Variants in KCNQ4 observed in about 807,000 individuals in gnomAD.
KCNQ4 encodes the protein potassium voltage-gated channel subfamily KQT member 4.
KCNQ4 carries 31 observed loss-of-function variants against 72.6 expected under a neutral mutation model. The observed-to-expected ratio is 0.43, with a 90% confidence interval of 0.32 to 0.58. The LOEUF (loss-of-function observed/expected upper bound fraction) is 0.58. KCNQ4 is among the 20% of genes least tolerant of loss of function. The pLI is 0.08. For synonymous variants in KCNQ4, 405 were observed against 403.7 expected (o/e 1.00, Z -0.04); for missense variants, 869 against 962.6 (o/e 0.90, Z 1.29).
intron 12 of KCNQ4, 94 bp from the exon 13 acceptor site, chr1:40,837,571 C>G: frequency 2.0e-6 from 3 of 1,484,252 alleles, no homozygotes; most frequent in Non-Finnish European, 2.7e-6. Flanking sequence ...CCTGTCCCCT[C>G]GTGGTGCCTT....
chr1:40,830,058 G>A (rs111922807), intron 9 of KCNQ4, among the ~76,000 whole-genome samples: 5,023 of 152,276 alleles, frequency 0.033, 108 homozygotes, highest in Middle Eastern at 0.041. Flanking sequence ...ATGTGTAGAC[G>A]TGCACGTACA....
intron 1 of KCNQ4, among the ~76,000 whole-genome samples, chr1:40,800,774 G>C (rs1647548218): frequency 1.3e-5 from 2 of 152,202 alleles, no homozygotes; most frequent in Non-Finnish European, 2.9e-5. Flanking sequence ...AAGCGGGTAG[G>C]AACACTCTCC....
intron 12 of KCNQ4, 113 bp from the exon 13 acceptor site, chr1:40,837,552 C>A: frequency 7.3e-7 from 1 of 1,370,334 alleles, no homozygotes; most frequent in Non-Finnish European, 9.9e-7. Flanking sequence ...GGCCCCTTCC[C>A]TCAGATTGCC....
intron 7 of KCNQ4, among the ~76,000 whole-genome samples, chr1:40,820,983 C>G (rs1251247957): frequency 1.3e-5 from 2 of 152,202 alleles, no homozygotes; most frequent in Non-Finnish European, 2.9e-5. Flanking sequence ...CTGCCTGCTC[C>G]CTAGCCTGTC....
chr1:40,792,290 C>G (rs958020200), intron 1 of KCNQ4, among the ~76,000 whole-genome samples: 6 of 152,158 alleles, frequency 3.9e-5, no homozygotes, highest in African/African-American at 1.4e-4. Flanking sequence ...CCGTCTTGGC[C>G]CAGCTGCCAC....
Position 40,788,381 on chromosome 1 carries a change from G to T in KCNQ4, c.314+3974G>T, listed in dbSNP as rs915755777. Among the ~76,000 whole-genome samples the T allele has an allele frequency of 3.3e-5, 5 of 152,148 alleles. No homozygotes were observed. The South Asian group carries it at 8.3e-4, about 25-fold the overall frequency. ...CCTGCTTCCTTGTCCAGGACTGTTC[G>T]CTCCGTTCCTAGTGGCCACCGGGCT... On this transcript the variant is annotated intron_variant, in intron 1 of 13. Coordinates refer to ENST00000347132, the MANE Select transcript of KCNQ4 (RefSeq NM_004700.4). The surrounding 1 kb of genome is among the most constrained non-coding windows in gnomAD (Gnocchi z 4.5).
In KCNQ4 at chr1:40,823,969, C is replaced by T. The variant is rs577770784; in HGVS notation, c.1131-128C>T. 853 of 1,064,148 alleles carry T rather than the reference C, an allele frequency of 8.0e-4. 7 individuals carry two copies. The South Asian group carries it at 9.5e-3, about 12-fold the overall frequency. 65.9% of individuals were successfully genotyped at this position (1,064,148 alleles called of 1,614,324 possible). A position where few individuals can be genotyped will look rare whatever the true frequency, so the allele number is the denominator to read the frequency against. ...ACTGTCCACCCTGTCCTATTCTGGC[C>T]GGGCTGTCAGTGAACACCTCTAGAG... On this transcript the variant is annotated intron_variant, in intron 8 of 13. Transcript: ENST00000347132.
intron 1 of KCNQ4, among the ~76,000 whole-genome samples, chr1:40,811,985 T>C (rs905265517): frequency 6.6e-6 from 1 of 152,236 alleles, no homozygotes; most frequent in African/African-American, 2.4e-5. Context: ...CACACCCTAG[T>C]TGTGGCAGGC....
At position 40,821,957 on chromosome 1, in the gene KCNQ4, C is replaced by T. The variant is rs551437643; in HGVS notation, c.1042-357C>T. Among the ~76,000 whole-genome samples, 157 of 152,246 alleles carry T rather than the reference C, an allele frequency of 1.0e-3. 2 individuals carry two copies. Among genetic ancestry groups the T allele is most frequent in the Admixed American group, 0.01 (156 of 15,292 alleles). ...CCTGGTAGGCAAGTAGTGTTACATG[C>T]GTTTTACAGGTGAAGAAACTGAGGT... On this transcript the variant is annotated intron_variant, in intron 7 of 13. Coordinates refer to ENST00000347132, the MANE Select transcript of KCNQ4 (RefSeq NM_004700.4).
chr1:40,806,292 C>G (rs1647758420), intron 1 of KCNQ4, among the ~76,000 whole-genome samples: 1 of 152,214 alleles, frequency 6.6e-6, no homozygotes, highest in Non-Finnish European at 1.5e-5. Context: ...CCATGTTTCC[C>G]CTTCCTTTCA....
Position 40,794,165 on chromosome 1 carries a change from G to T in KCNQ4, c.314+9758G>T, listed in dbSNP as rs903474144. 2.0e-5 allele frequency among the ~76,000 whole-genome samples: 3 copies of T among 152,206 alleles called. No homozygotes were observed. The highest frequency in any genetic ancestry group is 1.3e-4 in the Admixed American group (2 of 15,284). ...GAGTGAGCTCCAGGTGAAGGGAACAGCAGAGCAAAGGCCTTGAGATGGGAC... is the reference window on the plus strand; with the variant it reads ...GAGTGAGCTCCAGGTGAAGGGAACATCAGAGCAAAGGCCTTGAGATGGGAC... On this transcript the variant is annotated intron_variant, in intron 1 of 13. Coordinates refer to ENST00000347132, the MANE Select transcript of KCNQ4 (RefSeq NM_004700.4). This position sits in a 1 kb window ranked among gnomAD's most constrained non-coding sequence, Gnocchi z 4.2.
Position 40,822,374 on chromosome 1 carries a change from T to A in KCNQ4, c.1102T>A (p.Tyr368Asn). ...SRAYLTATWY[Y>N]YDSILPSFRE... ...GGCCTACCTGACAGCCACCTGGTAC[T>A]ACTATGACAGTATCCTCCCATCCTT... is the stretch of plus-strand genomic sequence containing the variant. The change falls in exon 8 of 14, where the codon TAC becomes AAC. Residue 368 changes from tyrosine to asparagine, a missense_variant. Coordinates refer to ENST00000347132, the MANE Select transcript of KCNQ4 (RefSeq NM_004700.4). 2.0e-6 allele frequency: 3 copies of A among 1,467,640 alleles called. No homozygotes were observed. Among genetic ancestry groups the A allele is most frequent in the Non-Finnish European group, 2.7e-6 (3 of 1,091,626 alleles). The allele number at this position is 1,467,640 out of a possible 1,614,324, so 90.9% of individuals were successfully genotyped here. A position where few individuals can be genotyped will look rare whatever the true frequency, so the allele number is the denominator to read the frequency against.
intron 9 of KCNQ4, 106 bp from the exon 10 acceptor site, chr1:40,830,978 C>A: frequency 1.1e-6 from 1 of 943,990 alleles, no homozygotes; most frequent in Non-Finnish European, 1.7e-6. Context: ...GGCGGGGAAT[C>A]CAGACCTAAT....
At chr1:40,826,286 T>C (rs764618014) in intron 9 of KCNQ4, among the ~76,000 whole-genome samples, 26 of 152,212 alleles carry the variant, frequency 1.7e-4, no homozygotes, top group Middle Eastern at 3.2e-3. Context: ...ACCTCTCCTC[T>C]TCAGGGTTTT....
intron 1 of KCNQ4, among the ~76,000 whole-genome samples, chr1:40,797,673 A>C (rs1477623552): frequency 6.6e-6 from 1 of 152,168 alleles, no homozygotes; most frequent in African/African-American, 2.4e-5. Flanking sequence ...GATGCTACCA[A>C]CTTGTCCCCC....
intron 12 of KCNQ4, among the ~76,000 whole-genome samples, chr1:40,836,648 A>G (rs1294381794): frequency 2.6e-5 from 4 of 152,202 alleles, no homozygotes; most frequent in African/African-American, 9.7e-5. Flanking sequence ...GGAACTAACA[A>G]AGGAGACTGT....
At chr1:40,806,861 C>T (rs727145) in intron 1 of KCNQ4, among the ~76,000 whole-genome samples, 51,747 of 152,024 alleles carry the variant, frequency 0.34, 9,046 homozygotes, top group Non-Finnish European at 0.39. Context: ...AAAGACAATC[C>T]GATTGGCTCA....
intron 11 of KCNQ4, among the ~76,000 whole-genome samples, chr1:40,834,141 T>A (rs572767423): frequency 2.6e-5 from 4 of 151,752 alleles, no homozygotes; most frequent in Admixed American, 2.6e-4. Flanking sequence ...AAGGACATAG[T>A]ACCTGACCTG....
intron 1 of KCNQ4, among the ~76,000 whole-genome samples, chr1:40,790,866 G>A (rs1050334609): frequency 6.6e-6 from 1 of 152,172 alleles, no homozygotes; most frequent in Non-Finnish European, 1.5e-5. Flanking sequence ...CTCCCAGGGA[G>A]AGGTTTGGAG....
Sources: allele counts gnomAD v4.1 joint callset (sites outside exome capture counted in the v4.1 genomes callset), GRCh38; gene constraint gnomAD v4.1.1; non-coding constraint Gnocchi (gnomAD v3.1); transcripts MANE v1.5; gene names NCBI Gene and HGNC (gene_info 2026-07-23, HGNC 2026-07-21).